AVEN: variants seen among roughly 807,000 people sequenced by gnomAD.
The protein encoded by AVEN is cell death regulator Aven.
A neutral mutation model predicts 38.1 loss-of-function variants in AVEN; 41 were observed. That is an observed-to-expected ratio of 1.08 (90% CI 0.84 to 1.40). The LOEUF is 1.40. Among genes scored for constraint, AVEN ranks in the 40% most tolerant of loss-of-function variants. The pLI, the probability that AVEN is intolerant of heterozygous loss-of-function variation, is 0.00. For synonymous variants in AVEN, 206 were observed against 171.8 expected, an observed-to-expected ratio of 1.20 and a Z score of -1.56; for missense variants, 605 against 438.8, an observed-to-expected ratio of 1.38 and a Z score of -3.38.
chr15:33,956,818 C>T (rs902692514), intron 2 of AVEN, among the ~76,000 whole-genome samples: 1 of 151,760 alleles, frequency 6.6e-6, no homozygotes, highest in Admixed American at 6.6e-5. Flanking sequence ...AACTCTTTGG[C>T]ACATGTTGAC....
intron 2 of AVEN, among the ~76,000 whole-genome samples, chr15:33,884,596 C>A (rs1463573308): frequency 1.3e-5 from 2 of 152,122 alleles, no homozygotes; most frequent in Non-Finnish European, 2.9e-5. Context: ...CTCCTCAGTA[C>A]TAATATGCTT....
chr15:33,894,828 ACAATAAT>A (rs1567401339), intron 2 of AVEN, among the ~76,000 whole-genome samples: 302 of 9,146 alleles, frequency 0.033, 3 homozygotes, highest in African/African-American at 0.038. Context: ...AAAAATAATA[ACAATAAT>A]AATAATAATA....
chr15:33,860,645 C>T (rs780612075), intron 11 of AVEN: 7 of 1,591,888 alleles, frequency 4.4e-6, no homozygotes, highest in Admixed American at 1.7e-5. Context: ...GGAACAAGTA[C>T]GAGAAGATAT....
In AVEN at chr15:33,886,115, C is replaced by T. The variant is rs183407729; in HGVS notation, c.446-10120G>A. Among the ~76,000 whole-genome samples the T allele has an allele frequency of 6.4e-3, 968 of 152,230 alleles. 5 individuals are homozygous for T. The highest frequency in any genetic ancestry group is 0.027 in the Middle Eastern group (8 of 294). On this transcript the variant is annotated intron_variant, in intron 2 of 5. Coordinates refer to ENST00000306730, the MANE Select transcript of AVEN (RefSeq NM_020371.3). ...GTAACAAAGACCTGTACCTGTATAT[C>T]ACGGCCCAAACAAGATAAAAGATTC...
intron 1 of AVEN, among the ~76,000 whole-genome samples, chr15:34,026,862 C>A (rs922791667): frequency 2.0e-4 from 30 of 152,162 alleles, no homozygotes; most frequent in African/African-American, 7.2e-4. Flanking sequence ...TTTGGCTGAG[C>A]CAAAAACTCT....
At chr15:33,917,485 CTACATATATA>C (rs1163380314) in intron 2 of AVEN, among the ~76,000 whole-genome samples, 1 of 74,850 alleles carries the variant, frequency 1.3e-5, no homozygotes, top group Admixed American at 2.1e-4. Context: ...TCATGGGATA[CTACATATATA>C]TACACACGGA....
chr15:33,862,712 G>GTTAT (rs1888812642), downstream of AVEN, among the ~76,000 whole-genome samples: 2 of 152,072 alleles, frequency 1.3e-5, no homozygotes, highest in Admixed American at 1.3e-4. Context: ...CTGGATTCAA[G>GTTAT]TGATTCTCCT....
chr15:33,986,899 C>T (rs940332551), intron 2 of AVEN, among the ~76,000 whole-genome samples: 7 of 152,118 alleles, frequency 4.6e-5, no homozygotes, highest in African/African-American at 9.7e-5. Context: ...CCTCGTGATC[C>T]GCCCACCTCG....
chr15:33,988,160 A>T (rs1329739544), intron 2 of AVEN, among the ~76,000 whole-genome samples: 1 of 152,252 alleles, frequency 6.6e-6, no homozygotes, highest in Non-Finnish European at 1.5e-5. Flanking sequence ...CTGAAGCTGC[A>T]GACCAAGTGT....
intron 2 of AVEN, among the ~76,000 whole-genome samples, chr15:33,887,467 A>G (rs915781775): frequency 4.6e-5 from 7 of 152,222 alleles, no homozygotes; most frequent in African/African-American, 1.7e-4. Context: ...ACCAAAATAA[A>G]TATTGTTTAC....
chr15:34,022,004 G>C (rs1025587363), intron 1 of AVEN, among the ~76,000 whole-genome samples: 1 of 152,204 alleles, frequency 6.6e-6, no homozygotes, highest in Admixed American at 6.5e-5. Context: ...TTTGTACTTA[G>C]AGAATTCAAG....
chr15:33,937,401 C>T (rs1351316687), intron 2 of AVEN, among the ~76,000 whole-genome samples: 2 of 151,624 alleles, frequency 1.3e-5, no homozygotes, highest in Non-Finnish European at 1.5e-5. Flanking sequence ...GGCGTGGTGG[C>T]AGGCGCCTGT....
At chr15:34,013,743 A>G (rs1245846313) in intron 1 of AVEN, among the ~76,000 whole-genome samples, 1 of 152,112 alleles carries the variant, frequency 6.6e-6, no homozygotes, top group Non-Finnish European at 1.5e-5. Flanking sequence ...CCAATGGGGG[A>G]GAAGGGGGAA....
At chr15:34,012,889 G>A (rs1485257193) in intron 1 of AVEN, among the ~76,000 whole-genome samples, 2 of 152,146 alleles carry the variant, frequency 1.3e-5, no homozygotes, top group African/African-American at 4.8e-5. Flanking sequence ...CTTCACCTAA[G>A]TTAACCATTA....
intron 2 of AVEN, among the ~76,000 whole-genome samples, chr15:33,937,634 C>T (rs550385211): frequency 7.9e-4 from 120 of 152,046 alleles, no homozygotes; most frequent in Non-Finnish European, 1.5e-3. Flanking sequence ...GACATGGGGC[C>T]TTTGGGAGGT....
intron 1 of AVEN, among the ~76,000 whole-genome samples, chr15:34,025,063 G>C (rs547479506): frequency 1.3e-5 from 2 of 150,262 alleles, no homozygotes; most frequent in South Asian, 4.3e-4. Flanking sequence ...CCAGCTACTT[G>C]GGAGGCTGAG....
At chr15:34,006,617 T>C (rs1294946409) in intron 1 of AVEN, among the ~76,000 whole-genome samples, 1 of 152,190 alleles carries the variant, frequency 6.6e-6, no homozygotes, top group Non-Finnish European at 1.5e-5. Context: ...GTGGGAGACC[T>C]AAACCGAATT....
At position 33,870,988 on chromosome 15, in the gene AVEN, G is replaced by C. The variant is rs1300528909; in HGVS notation, c.559C>G (p.Leu187Val). Reference protein sequence around the residue: ...YVDSELLVRALQELPLCLRLN... With the variant: ...YVDSELLVRAVQELPLCLRLN... ...CGGAGGCAGAGAGGCAGCTCTTGAA[G>C]GGCTCGAACCAATAACTCACTATCC... The change falls in exon 4 of 6, where the codon CTT becomes GTT. Residue 187 changes from leucine to valine, a missense_variant. By Grantham distance (32) the Leu-to-Val change is conservative. Coordinates refer to ENST00000306730, the MANE Select transcript of AVEN (RefSeq NM_020371.3). The C allele has an allele frequency of 2.5e-6, 4 of 1,610,026 alleles. No homozygotes were observed. The highest frequency in any genetic ancestry group is 2.2e-5 in the East Asian group (1 of 44,736).
At chr15:33,866,901 T>A (rs1890586750) in intron 5 of AVEN, among the ~76,000 whole-genome samples, 173 bp from the exon 6 acceptor site, 1 of 152,208 alleles carries the variant, frequency 6.6e-6, no homozygotes, top group African/African-American at 2.4e-5. Flanking sequence ...GATTTGCTCT[T>A]TATTCTGAAG....
Sources: gnomAD v4.1 joint callset for allele counts (sites outside exome capture counted in the v4.1 genomes callset) on GRCh38, gnomAD v4.1.1 for gene constraint, MANE v1.5 for transcripts, NCBI Gene and HGNC (gene_info 2026-07-23, HGNC 2026-07-21) for gene names.